RHOA: variants seen among roughly 807,000 people sequenced by gnomAD.
RHOA encodes ras homolog family member A, also known as transforming protein RhoA.
RHOA carries 3 observed loss-of-function variants against 17.5 expected under a neutral mutation model. The ratio of observed to expected loss-of-function variants is 0.17; its 90% CI spans 0.08 to 0.44. The LOEUF (loss-of-function observed/expected upper bound fraction) is 0.44, where lower values mean the gene tolerates loss of function less well. RHOA is among the 20% of genes least tolerant of loss of function. The pLI is 0.99. For synonymous variants in RHOA, 98 were observed against 88.4 expected (o/e 1.11, Z -0.61); for missense variants, 56 against 242.3 (o/e 0.23, Z 5.10).
intron 1 of RHOA, among the ~76,000 whole-genome samples, chr3:49,397,130 A>T (rs1396060337): frequency 1.6e-5 from 1 of 61,180 alleles, no homozygotes; most frequent in Non-Finnish European, 3.9e-5. Context: ...ATCCTGTCTC[A>T]AAAAAAAAAA....
chr3:49,392,831 A>T (rs2048532364), intron 1 of RHOA, among the ~76,000 whole-genome samples: 1 of 152,154 alleles, frequency 6.6e-6, no homozygotes, highest in Non-Finnish European at 1.5e-5. Flanking sequence ...AAGAAGACAT[A>T]TCCACAATTT....
At position 49,360,295 on chromosome 3, in the gene RHOA, C is replaced by T; in HGVS notation, c.496G>A (p.Gly166Arg). ...YMECSAKTKD[G>R]VREVFEMATR... ...GCCATTTCAAAAACCTCTCTCACTC[C>T]ATCTTTGGTCTTTGCTGAACACTCC... Residue 166 changes from glycine (G) to arginine (R), a missense_variant, in exon 5 of 5, where the codon GGA (glycine) becomes AGA (arginine). Physicochemically the swap from Gly to Arg is moderately radical, Grantham distance 125. Transcript: ENST00000418115. The T allele has an allele frequency of 6.2e-7, 1 of 1,614,094 alleles. No homozygotes were observed. Among genetic ancestry groups the T allele is most frequent in the Non-Finnish European group, 8.5e-7 (1 of 1,180,022 alleles).
At chr3:49,370,618 C>T (rs2048133712) in intron 2 of RHOA, among the ~76,000 whole-genome samples, 1 of 152,046 alleles carries the variant, frequency 6.6e-6, no homozygotes, top group Non-Finnish European at 1.5e-5. Flanking sequence ...TAATGCATCA[C>T]GTAAGGTGAG....
chr3:49,383,801 A>G (rs6787665), intron 1 of RHOA, among the ~76,000 whole-genome samples: 148,576 of 152,260 alleles, frequency 0.98, 72,605 homozygotes, highest in Middle Eastern at 1. Context: ...AGGCTGAGGT[A>G]GGCGGATCAC....
chr3:49,375,652 A>AT, intron 1 of RHOA, 61 bp from the exon 2 acceptor site: 1 of 1,550,222 alleles, frequency 6.5e-7, no homozygotes, highest in Non-Finnish European at 8.8e-7. Flanking sequence ...AGCTTACAGG[A>AT]TGACACATGC....
chr3:49,376,347 T>A (rs947866525), intron 1 of RHOA, among the ~76,000 whole-genome samples: 1 of 151,722 alleles, frequency 6.6e-6, no homozygotes, highest in Non-Finnish European at 1.5e-5. Flanking sequence ...AATATTAACA[T>A]TAAAAAATCA....
At chr3:49,405,029 C>T (rs1448887968) in intron 1 of RHOA, among the ~76,000 whole-genome samples, 3 of 151,604 alleles carry the variant, frequency 2.0e-5, no homozygotes, top group Non-Finnish European at 4.4e-5. Flanking sequence ...AGGCAGATCA[C>T]CTGAGGTCAG....
intron 1 of RHOA, among the ~76,000 whole-genome samples, chr3:49,384,380 T>A (rs1033154941): frequency 1.3e-5 from 2 of 152,194 alleles, no homozygotes; most frequent in African/African-American, 4.8e-5. Flanking sequence ...AGACGTGTCA[T>A]TTTCCAGGCT....
chr3:49,400,706 G>GACTCCGTCT (rs1553635855), intron 1 of RHOA, among the ~76,000 whole-genome samples: 6 of 151,784 alleles, frequency 4.0e-5, no homozygotes, highest in South Asian at 2.1e-4. Context: ...GGGTGACAGA[G>GACTCCGTCT]CAAGATTGTA....
chr3:49,402,697 A>AT (rs1473773135), intron 1 of RHOA, among the ~76,000 whole-genome samples: 1 of 151,970 alleles, frequency 6.6e-6, no homozygotes, highest in Non-Finnish European at 1.5e-5. Context: ...AACTTGTCAT[A>AT]TTCTAGGAAG....
chr3:49,367,338 C>A, intron 3 of RHOA, among the ~76,000 whole-genome samples: 1 of 35,378 alleles, frequency 2.8e-5, no homozygotes, highest in Non-Finnish European at 5.6e-5. Context: ...GCAAGACTCC[C>A]TCTCAAAAAA....
At chr3:49,360,930 G>A (rs897518326) in intron 4 of RHOA, 5 of 372,588 alleles carry the variant, frequency 1.3e-5, no homozygotes, top group South Asian at 5.5e-5. Flanking sequence ...AAAATCACCT[G>A]GGTGTGGTAG....
intron 1 of RHOA, among the ~76,000 whole-genome samples, chr3:49,394,327 C>T (rs1446131633): frequency 6.6e-6 from 1 of 151,660 alleles, no homozygotes; most frequent in East Asian, 2.0e-4. Context: ...CTTATTGCCC[C>T]GACTGGTCTC....
chr3:49,410,190 G>A (rs1175537981), intron 1 of RHOA, among the ~76,000 whole-genome samples: 5 of 152,170 alleles, frequency 3.3e-5, no homozygotes, highest in East Asian at 3.8e-4. Context: ...TGACTCTGGA[G>A]GCCAACTGCT....
intron 4 of RHOA, among the ~76,000 whole-genome samples, chr3:49,362,101 C>T (rs2047982368): frequency 6.6e-6 from 1 of 151,540 alleles, no homozygotes; most frequent in African/African-American, 2.4e-5. Context: ...GCAGAAGAAT[C>T]GCTTGAACCC....
chr3:49,368,131 T>A (rs1191293202), intron 3 of RHOA, among the ~76,000 whole-genome samples: 2 of 152,064 alleles, frequency 1.3e-5, no homozygotes, highest in Admixed American at 6.6e-5. Context: ...AGGCTGGTCT[T>A]GAACTCCTGA....
rs2048932824 is a variant in RHOA, at chr3:49,411,405, A to T, written c.-3+415T>A. Reference sequence around the variant, plus strand: ...CGTAAAAAGCAAAATGGAGTTGTAAAGAGTTTCTTTCCCATTTCAACTCCG... The same window carrying T: ...CGTAAAAAGCAAAATGGAGTTGTAATGAGTTTCTTTCCCATTTCAACTCCG... On this transcript the variant is annotated intron_variant, in intron 1 of 4. Coordinates refer to ENST00000418115, the MANE Select transcript of RHOA (RefSeq NM_001664.4). 2.6e-5 allele frequency among the ~76,000 whole-genome samples: 4 copies of T among 152,278 alleles called. No individual in the cohort carries two copies. The South Asian group carries it at 8.3e-4, about 31-fold the overall frequency.
intron 1 of RHOA, among the ~76,000 whole-genome samples, chr3:49,386,839 G>A (rs866462084): frequency 1.3e-5 from 2 of 152,070 alleles, no homozygotes; most frequent in Admixed American, 6.6e-5. Flanking sequence ...ATGACCGGGC[G>A]TGGCAGCTCA....
At chr3:49,399,083 A>AAAAAC in intron 1 of RHOA, among the ~76,000 whole-genome samples, 1 of 128,054 alleles carries the variant, frequency 7.8e-6, no homozygotes, top group Non-Finnish European at 1.7e-5. Flanking sequence ...AAAAAAAAAA[A>AAAAAC]AAAAGGCTGG....
Sources: gnomAD v4.1 joint callset for allele counts (sites outside exome capture counted in the v4.1 genomes callset) on GRCh38, gnomAD v4.1.1 for gene constraint, MANE v1.5 for transcripts, NCBI Gene and HGNC (gene_info 2026-07-23, HGNC 2026-07-21) for gene names.